The following LSM14A variants were observed in gnomAD, a reference collection of about 807,000 sequenced individuals.
The protein encoded by LSM14A is LSM14A mRNA processing body assembly factor, also known as protein LSM14 homolog A.
Under a neutral mutation model 52.4 loss-of-function variants are expected in LSM14A, and 14 were observed. That is an observed-to-expected ratio of 0.27 (90% confidence interval 0.18 to 0.42). The LOEUF is 0.42. LSM14A is among the 10% of genes least tolerant of loss of function. The pLI, the probability that LSM14A is intolerant of heterozygous loss-of-function variation, is 1.00. For synonymous variants in LSM14A, 185 were observed against 200.3 expected, an observed-to-expected ratio of 0.92 and a Z score of 0.64; for missense variants, 417 against 581.8, an observed-to-expected ratio of 0.72 and a Z score of 2.91.
chr19:34,227,195 T>C (rs2073387864), intron 9 of LSM14A, among the ~76,000 whole-genome samples, 170 bp from the exon 10 acceptor site: 1 of 152,116 alleles, frequency 6.6e-6, no homozygotes, highest in Admixed American at 6.6e-5. Context: ...TACTACTGAG[T>C]ATGGAAGTTA....
At chr19:34,224,422 GTT>G (rs768002306) in intron 9 of LSM14A, among the ~76,000 whole-genome samples, 1 of 152,192 alleles carries the variant, frequency 6.6e-6, no homozygotes, top group Admixed American at 6.5e-5. Context: ...ATGTCACACT[GTT>G]TATCATTTTG....
rs1354114422 is a variant in LSM14A, at chr19:34,221,562, A to G, written c.1192A>G (p.Ile398Val). 1.9e-6 allele frequency: 3 copies of G among 1,614,206 alleles called. No individual in the cohort carries two copies. The highest frequency in any genetic ancestry group is 4.5e-5 in the East Asian group (2 of 44,886). ...AAGATTAAATGCTGAAACATTTGGAATCCCACTTCGTCCAAACCGTGGCCG... is the reference window on the plus strand; with the variant it reads ...AAGATTAAATGCTGAAACATTTGGAGTCCCACTTCGTCCAAACCGTGGCCG... ...ERRLNAETFGIPLRPNRGRGG... is the reference protein window; with the variant it reads ...ERRLNAETFGVPLRPNRGRGG... Residue 398 changes from isoleucine to valine, a missense_variant, in exon 9 of 10, where the codon ATC (isoleucine) becomes GTC (valine). Ile to Val is a conservative substitution (Grantham distance 29). Around this residue, in one of 2 missense-constraint regions of LSM14A, gnomAD observed 357 missense variants for 457.0 expected, o/e 0.78. Coordinates refer to ENST00000544216, the MANE Select transcript of LSM14A (RefSeq NM_015578.4).
At chr19:34,194,395 T>C (rs2070697163) in intron 1 of LSM14A, 83 bp from the exon 2 acceptor site, 1 of 1,236,502 alleles carries the variant, frequency 8.1e-7, no homozygotes, top group Admixed American at 2.0e-5. Context: ...TGCTTAGTAC[T>C]TGAAATACAA....
Position 34,215,621 on chromosome 19 carries a change from A to G in LSM14A, c.741A>G (p.Pro247=). 1.9e-6 allele frequency: 3 copies of G among 1,613,974 alleles called. No individual in the cohort carries two copies. The highest frequency in any genetic ancestry group is 4.5e-5 in the East Asian group (2 of 44,874). ...RRAEVHKVSR[P]ENEQLRNDNK... ...CTGAAGTACACAAAGTTTCAAGGCC[A>G]GAAAATGAGCAACTCAGAAATGATA... Residue 247 remains proline, a synonymous_variant, in exon 6 of 10, where the codon CCA becomes CCG. Transcript: ENST00000544216.
Position 34,215,199 on chromosome 19 carries a change from A to G in LSM14A, c.614A>G (p.His205Arg). ...CAAGCAGTGCAGACCGCCTCAGCCC[A>G]CTTACCTGCTCCAGCAGCTGTTGGG... ...MEQAVQTASA[H>R]LPAPAAVGRR... Residue 205 changes from histidine (H) to arginine (R), a missense_variant, in exon 5 of 10, where the codon CAC becomes CGC. By Grantham distance (29) the His-to-Arg change is conservative. This residue lies in a region of LSM14A where 357 missense variants were observed against 457.0 expected (regional missense o/e 0.78). Transcript: ENST00000544216. 6 of 1,614,184 alleles carry G rather than the reference A, an allele frequency of 3.7e-6. No individual in the cohort carries two copies. In the East Asian group the frequency reaches 1.3e-4, roughly 36 times the overall value.
At chr19:34,218,758 G>A (rs1472762921) in intron 6 of LSM14A, among the ~76,000 whole-genome samples, 1 of 152,064 alleles carries the variant, frequency 6.6e-6, no homozygotes, top group East Asian at 1.9e-4. Flanking sequence ...GTGTTATAGA[G>A]GAGAGAGAAT....
intron 4 of LSM14A, among the ~76,000 whole-genome samples, chr19:34,210,083 TTTTTG>T (rs2072022067): frequency 1.3e-5 from 2 of 152,046 alleles, no homozygotes; most frequent in South Asian, 2.1e-4. Flanking sequence ...ATATGAATGG[TTTTTG>T]TTTTGTTTTG....
In LSM14A at chr19:34,227,790, T is replaced by TTGTGTGTATGTGTGTGTGTG. The variant is rs2073420297; in HGVS notation, c.*409_*410insATGTGTGTGTGTGTGTGTGT. On this transcript the variant is annotated 3_prime_UTR_variant, in exon 10 of 10. Transcript: ENST00000544216. Reference sequence around the variant, plus strand: ...ATACTGTGTTTTGAGCCACAGAAGGTTGTGTGTGTGTGTGTGTGTGTGTGT... The same window carrying TTGTGTGTATGTGTGTGTGTG: ...ATACTGTGTTTTGAGCCACAGAAGGTTGTGTGTATGTGTGTGTGTGTGTGTGTGTGTGTGTGTGTGTGTGT... 1 of 152,312 alleles carries TTGTGTGTATGTGTGTGTGTG rather than the reference T, an allele frequency of 6.6e-6. No homozygotes were observed. The highest frequency in any genetic ancestry group is 1.3e-5 in the Non-Finnish European group (1 of 74,108). The allele number at this position is 152,312 out of a possible 1,614,324, so 9.4% of individuals were successfully genotyped here. A position where few individuals can be genotyped will look rare whatever the true frequency, so the allele number is the denominator to read the frequency against.
intron 1 of LSM14A, among the ~76,000 whole-genome samples, chr19:34,184,862 A>G (rs2069773287): frequency 6.6e-6 from 1 of 152,196 alleles, no homozygotes; most frequent in Admixed American, 6.5e-5. Context: ...GTCAGAGACA[A>G]GGTTCTTGAG....
intron 3 of LSM14A, among the ~76,000 whole-genome samples, chr19:34,206,550 C>T (rs184368947): frequency 9.8e-4 from 149 of 152,064 alleles, no homozygotes; most frequent in African/African-American, 3.5e-3. Context: ...TGGCGCGCGC[C>T]TGTAGTCCCA....
chr19:34,225,319 C>A (rs540052479), intron 9 of LSM14A, among the ~76,000 whole-genome samples: 1 of 152,148 alleles, frequency 6.6e-6, no homozygotes, highest in Non-Finnish European at 1.5e-5. Flanking sequence ...CAGCCCTACA[C>A]CTCCTAAATC....
intron 1 of LSM14A, among the ~76,000 whole-genome samples, chr19:34,187,077 T>TAAA (rs112578311): frequency 6.9e-6 from 1 of 145,752 alleles, no homozygotes. Context: ...GTCTCTAATT[T>TAAA]AAAAAAAAAA....
chr19:34,221,151 C>T (rs910536321), intron 8 of LSM14A, among the ~76,000 whole-genome samples: 2 of 147,314 alleles, frequency 1.4e-5, no homozygotes, highest in East Asian at 2.0e-4. Context: ...GGCTCGATCT[C>T]GACTCACTGC....
intron 1 of LSM14A, among the ~76,000 whole-genome samples, chr19:34,179,586 C>T (rs955260487): frequency 3.3e-5 from 5 of 152,034 alleles, no homozygotes; most frequent in Admixed American, 2.6e-4. Flanking sequence ...AGTCTGAAGT[C>T]AGGTGCCAGA....
chr19:34,186,504 C>G (rs2069919400), intron 1 of LSM14A, among the ~76,000 whole-genome samples: 1 of 152,130 alleles, frequency 6.6e-6, no homozygotes, highest in Non-Finnish European at 1.5e-5. Flanking sequence ...TTGGATTTAC[C>G]AGGCCTCCTT....
intron 3 of LSM14A, among the ~76,000 whole-genome samples, chr19:34,197,436 T>C (rs1215589208): frequency 4.5e-5 from 6 of 133,994 alleles, no homozygotes; most frequent in Admixed American, 1.5e-4. Flanking sequence ...TTTTTCTTTT[T>C]TTTTTTTTTT....
rs145780212 is a variant in LSM14A, at chr19:34,180,026, C to T, written c.121+7263C>T. On this transcript the variant is annotated intron_variant, in intron 1 of 9. Coordinates refer to ENST00000544216, the MANE Select transcript of LSM14A (RefSeq NM_015578.4). ...CTTGACCTCCCTGGGCTCAGGTAAT[C>T]CTCCTGCCTCAGCCTCCCAAGTAGC... 1.8e-3 allele frequency among the ~76,000 whole-genome samples: 272 copies of T among 152,220 alleles called. 5 individuals are homozygous for T. The East Asian group carries it at 0.044, about 25-fold the overall frequency.
Position 34,219,613 on chromosome 19 carries a change from G to C in LSM14A, c.964+40G>C, listed in dbSNP as rs186660789. 639 of 1,583,156 alleles carry C rather than the reference G, an allele frequency of 4.0e-4. 2 individuals carry two copies. Among genetic ancestry groups the C allele is most frequent in the Non-Finnish European group, 4.5e-5 (52 of 1,158,204 alleles). ...TTCTTTTCAGAAAATAATCTTATTT[G>C]ATCTGTGAATTACAGATGTTTCTCA... On this transcript the variant is annotated intron_variant, in intron 7 of 9. Transcript: ENST00000544216.
chr19:34,215,062 A>T, intron 4 of LSM14A, 62 bp from the exon 5 acceptor site: 1 of 1,357,678 alleles, frequency 7.4e-7, no homozygotes, highest in Admixed American at 2.4e-5. Flanking sequence ...AATTTTTTTT[A>T]GGGTCTAGAT....
Sources: allele counts gnomAD v4.1 joint callset (sites outside exome capture counted in the v4.1 genomes callset), GRCh38; gene constraint gnomAD v4.1.1; regional missense constraint gnomAD v4.1.1; transcripts MANE v1.5; gene names NCBI Gene and HGNC (gene_info 2026-07-23, HGNC 2026-07-21).